The following WIPF2 variants were observed in gnomAD, a reference collection of about 807,000 sequenced individuals.
WIPF2 encodes the protein WAS/WASL-interacting protein family member 2.
In WIPF2, 23 loss-of-function variants were observed where a neutral mutation model predicts 38.8. That is an observed-to-expected ratio of 0.59 (90% CI 0.43 to 0.84). The LOEUF is 0.84. WIPF2 is among the 40% of genes least tolerant of loss of function. The pLI is 0.00. For synonymous variants in WIPF2, 210 were observed against 223.2 expected, an observed-to-expected ratio of 0.94 and a Z score of 0.53; for missense variants, 574 against 580.5, an observed-to-expected ratio of 0.99 and a Z score of 0.11.
intron 1 of WIPF2, among the ~76,000 whole-genome samples, chr17:40,226,544 A>G (rs1313630008): frequency 6.6e-6 from 1 of 151,784 alleles, no homozygotes; most frequent in Non-Finnish European, 1.5e-5. Context: ...GTAGTACACT[A>G]GTATGAGATG....
Position 40,237,997 on chromosome 17 carries a change from C to T in WIPF2, c.-69-18394C>T, listed in dbSNP as rs189730357. Among the ~76,000 whole-genome samples the T allele has an allele frequency of 1.7e-4, 25 of 148,058 alleles. No homozygotes were observed. In the East Asian group the frequency reaches 2.8e-3, roughly 16 times the overall value. ...AGGAGAATTGCTTGAACCCGGGAGG[C>T]GGAGGTTGCAGTGAGTCAAGATGGT... On this transcript the variant is annotated intron_variant, in intron 1 of 7. Coordinates refer to ENST00000323571, the MANE Select transcript of WIPF2 (RefSeq NM_133264.5).
intron 1 of WIPF2, among the ~76,000 whole-genome samples, chr17:40,254,625 G>A (rs2031662697): frequency 6.6e-6 from 1 of 152,128 alleles, no homozygotes; most frequent in African/African-American, 2.4e-5. Context: ...CTGATAAATG[G>A]CTGTCAGATT....
chr17:40,238,103 C>T lies in WIPF2; in HGVS notation c.-69-18288C>T, dbSNP rs540089877. Among the ~76,000 whole-genome samples the T allele has an allele frequency of 5.3e-4, 81 of 151,566 alleles. 1 individual carries two copies. Among genetic ancestry groups the T allele is most frequent in the African/African-American group, 1.8e-3 (74 of 41,392 alleles). ...AAAGCTCTTGACCTTGTGATCCACC[C>T]GCCTTGGCCTCCCAACGTGCTGGGA... is the stretch of plus-strand genomic sequence containing the variant. On this transcript the variant is annotated intron_variant, in intron 1 of 7. Coordinates refer to ENST00000323571, the MANE Select transcript of WIPF2 (RefSeq NM_133264.5).
intron 1 of WIPF2, among the ~76,000 whole-genome samples, chr17:40,229,257 A>G (rs1175181251): frequency 6.7e-6 from 1 of 149,190 alleles, no homozygotes; most frequent in Non-Finnish European, 1.5e-5. Flanking sequence ...GATTACAGGC[A>G]TGCATCACCA....
chr17:40,250,914 C>CTTTTTTT (rs1020649049), intron 1 of WIPF2, among the ~76,000 whole-genome samples: 25 of 90,316 alleles, frequency 2.8e-4, no homozygotes, highest in Non-Finnish European at 3.1e-4. Flanking sequence ...CTATTAGATT[C>CTTTTTTT]TTTTTTTTTT....
chr17:40,270,836 G>A (rs1224437623), intron 5 of WIPF2, among the ~76,000 whole-genome samples: 2 of 151,982 alleles, frequency 1.3e-5, no homozygotes, highest in African/African-American at 4.8e-5. Flanking sequence ...CATTCTGAGT[G>A]TGTCTTACGG....
At chr17:40,240,333 G>C (rs916350066) in intron 1 of WIPF2, among the ~76,000 whole-genome samples, 12 of 152,134 alleles carry the variant, frequency 7.9e-5, no homozygotes, top group African/African-American at 2.9e-4. Context: ...CCAAACTTCT[G>C]GGATTACAGG....
chr17:40,269,284 C>T (rs1212310276), intron 5 of WIPF2, among the ~76,000 whole-genome samples: 1 of 152,002 alleles, frequency 6.6e-6, no homozygotes. Context: ...TGCACCACTG[C>T]ACTCCAGCAT....
chr17:40,250,728 C>A (rs1372110876), intron 1 of WIPF2, among the ~76,000 whole-genome samples: 1 of 151,688 alleles, frequency 6.6e-6, no homozygotes, highest in South Asian at 2.1e-4. Context: ...TGTAGAGAAC[C>A]TTCTTGTTCT....
At chr17:40,262,687 T>A in intron 4 of WIPF2, 46 bp downstream of exon 4, 1 of 1,531,836 alleles carries the variant, frequency 6.5e-7, no homozygotes, top group Non-Finnish European at 9.0e-7. Flanking sequence ...GTGTGTTAAT[T>A]TCTGATGTCC....
Position 40,278,235 on chromosome 17 carries a change from T to C in WIPF2, c.*10T>C, listed in dbSNP as rs1598505132. The C allele has an allele frequency of 6.2e-7, 1 of 1,613,700 alleles. No homozygotes were observed. The highest frequency in any genetic ancestry group is 2.2e-5 in the East Asian group (1 of 44,870). ...ACCCATTCTCAGGTGAAGCCTGGCT[T>C]GGTCCCGTTCCTCAGGAAAAGGATG... On this transcript the variant is annotated 3_prime_UTR_variant, in exon 8 of 8. Coordinates refer to ENST00000323571, the MANE Select transcript of WIPF2 (RefSeq NM_133264.5).
chr17:40,256,467 T>C lies in WIPF2; in HGVS notation c.8T>C (p.Ile3Thr). 6.2e-7 allele frequency: 1 copy of C among 1,609,100 alleles called. No individual in the cohort carries two copies. The highest frequency in any genetic ancestry group is 1.1e-5 in the South Asian group (1 of 90,052). Residue 3 changes from isoleucine to threonine, a missense_variant, in exon 2 of 8, where the codon ATT becomes ACT. Ile to Thr is a moderately conservative substitution (Grantham distance 89). Coordinates refer to ENST00000323571, the MANE Select transcript of WIPF2 (RefSeq NM_133264.5). MP[I>T]PPPPPPPPGP... ...ACTGGGAGCAGGGCAAGAATGCCAA[T>C]TCCTCCTCCCCCGCCACCCCCACCT...
In WIPF2 at chr17:40,258,959, A is replaced by T. The variant is rs534247424; in HGVS notation, c.64-1576A>T. Among the ~76,000 whole-genome samples the T allele has an allele frequency of 2.6e-3, 371 of 142,344 alleles. 1 individual carries two copies. The highest frequency in any genetic ancestry group is 5.3e-3 in the African/African-American group (204 of 38,422). 93.4% of individuals were successfully genotyped at this position (142,344 alleles called of 152,430 possible). A position where few individuals can be genotyped will look rare whatever the true frequency, so the allele number is the denominator to read the frequency against. ...CTGCATATAGCTAATATAAAAAAAA[A>T]TTTTTTAGGCCGGGTGCAGTGGCTC... On this transcript the variant is annotated intron_variant, in intron 2 of 7. Coordinates refer to ENST00000323571, the MANE Select transcript of WIPF2 (RefSeq NM_133264.5).
At chr17:40,260,489 T>TA (rs772206950) in intron 2 of WIPF2, 46 bp from the exon 3 acceptor site, 2 of 1,603,722 alleles carry the variant, frequency 1.2e-6, no homozygotes, top group South Asian at 2.2e-5. Flanking sequence ...ACCCGGCCGA[T>TA]AAAGGGAACT....
In WIPF2 at chr17:40,219,417, G is replaced by C; in HGVS notation, c.-145G>C. On this transcript the variant is annotated 5_prime_UTR_variant, in exon 1 of 8. Coordinates refer to ENST00000323571, the MANE Select transcript of WIPF2 (RefSeq NM_133264.5). ...CGGCGGCGACGGCGAGAAAGAGCTT[G>C]CCGGGGGGCGAGCAGGACAGGACGA... 2 of 396,304 alleles carry C rather than the reference G, an allele frequency of 5.0e-6. No homozygotes were observed. Among genetic ancestry groups the C allele is most frequent in the South Asian group, 2.3e-5 (1 of 43,600 alleles). The allele number at this position is 396,304 out of a possible 1,614,324, so 24.5% of individuals were successfully genotyped here.
At chr17:40,272,176 C>T (rs2032269949) in intron 5 of WIPF2, among the ~76,000 whole-genome samples, 2 of 152,084 alleles carry the variant, frequency 1.3e-5, no homozygotes, top group Admixed American at 6.6e-5. Flanking sequence ...TGCACCACCA[C>T]ATCTGGCTAA....
At chr17:40,246,555 C>T (rs925163343) in intron 1 of WIPF2, among the ~76,000 whole-genome samples, 23 of 151,878 alleles carry the variant, frequency 1.5e-4, no homozygotes, top group African/African-American at 5.5e-4. Flanking sequence ...CCTGACACCA[C>T]GCCCAACCAA....
At chr17:40,271,520 A>T (rs1334234310) in intron 5 of WIPF2, among the ~76,000 whole-genome samples, 1 of 151,978 alleles carries the variant, frequency 6.6e-6, no homozygotes, top group Non-Finnish European at 1.5e-5. Context: ...AAAAAAAAAA[A>T]TTGAACATGG....
At chr17:40,235,753 A>G (rs1375444835) in intron 1 of WIPF2, among the ~76,000 whole-genome samples, 22 of 151,284 alleles carry the variant, frequency 1.5e-4, no homozygotes, top group Admixed American at 1.3e-3. Context: ...TTGTATTTTT[A>G]GTAGAGAACG....
Sources: allele counts gnomAD v4.1 joint callset (sites outside exome capture counted in the v4.1 genomes callset), GRCh38; gene constraint gnomAD v4.1.1; transcripts MANE v1.5; gene names NCBI Gene and HGNC (gene_info 2026-07-23, HGNC 2026-07-21).